RNF169: variants seen among roughly 807,000 people sequenced by gnomAD.
RNF169 encodes E3 ubiquitin-protein ligase RNF169.
RNF169 carries 24 observed loss-of-function variants against 53.9 expected under a neutral mutation model. That is an observed-to-expected ratio of 0.45 (90% confidence interval 0.32 to 0.63). The LOEUF (loss-of-function observed/expected upper bound fraction) is 0.63. Among genes scored for constraint, RNF169 ranks in the 20% least tolerant of loss-of-function variants. RNF169 has a pLI of 0.04. For missense variants in RNF169, 883 were observed against 906.2 expected (o/e 0.97, Z 0.33); for synonymous variants, 396 against 363.5 (o/e 1.09, Z -1.02).
intron 2 of RNF169, chr11:74,807,919 A>C (rs574354404): frequency 6.6e-6 from 1 of 152,318 alleles, no homozygotes; most frequent in Admixed American, 6.5e-5. Flanking sequence ...AAACACCAAC[A>C]TGATTCATTT....
rs565307560 is a variant in RNF169 at position 74,778,657 on chromosome 11, C to A, written c.503-10969C>A. 5.9e-5 allele frequency among the ~76,000 whole-genome samples: 9 copies of A among 152,280 alleles called. No homozygotes were observed. The South Asian group carries it at 1.9e-3, about 32-fold the overall frequency. On this transcript the variant is annotated intron_variant, in intron 1 of 5. Transcript: ENST00000299563. Reference sequence around the variant, plus strand: ...GAGAACTGCCGCCACTTTCAAAAGGCCTGCAATTTCTATAGTATTTTTACG... The same window carrying A: ...GAGAACTGCCGCCACTTTCAAAAGGACTGCAATTTCTATAGTATTTTTACG...
intron 2 of RNF169, among the ~76,000 whole-genome samples, chr11:74,797,984 C>A (rs1454654451): frequency 2.6e-5 from 4 of 152,216 alleles, no homozygotes; most frequent in African/African-American, 7.2e-5. Flanking sequence ...ACACTTATCA[C>A]TTCCCCAGTC....
intron 2 of RNF169, among the ~76,000 whole-genome samples, chr11:74,806,994 T>C (rs1034600787): frequency 6.6e-6 from 1 of 151,822 alleles, no homozygotes. Flanking sequence ...GGAAATAAAT[T>C]GCTTAGTATT....
chr11:74,749,168 C>G lies in RNF169; in HGVS notation c.288C>G (p.Ala96=). The G allele has an allele frequency of 5.6e-5, 70 of 1,239,040 alleles. No homozygotes were observed. Among genetic ancestry groups the G allele is most frequent in the Non-Finnish European group, 6.9e-5 (69 of 992,866 alleles). 76.8% of individuals were successfully genotyped at this position (1,239,040 alleles called of 1,614,324 possible). ...GCCGAGGCTGCGCCCAACGCGCCGCCGACGCGGCGGGCCCGGGTTGCCCTC... is the reference window on the plus strand; with the variant it reads ...GCCGAGGCTGCGCCCAACGCGCCGCGGACGCGGCGGGCCCGGGTTGCCCTC... ...SLCRGCAQRA[A]DAAGPGCPRC... is the part of the protein sequence containing the mutation. The change falls in exon 1 of 6, where the codon GCC becomes GCG. Residue 96 remains alanine, a synonymous_variant. Coordinates refer to ENST00000299563, the MANE Select transcript of RNF169 (RefSeq NM_001098638.2).
At chr11:74,767,313 T>G (rs1003622566) in intron 1 of RNF169, among the ~76,000 whole-genome samples, 3 of 152,216 alleles carry the variant, frequency 2.0e-5, no homozygotes, top group Admixed American at 1.3e-4. Context: ...TATATGGTCA[T>G]TGCAATAGAT....
chr11:74,808,094 A>T (rs1291137542), intron 2 of RNF169: 1 of 152,160 alleles, frequency 6.6e-6, no homozygotes, highest in Non-Finnish European at 1.5e-5. Flanking sequence ...AGCCGGGCAT[A>T]GTGGTTGACT....
chr11:74,835,212 T>C (rs114733366), intron 5 of RNF169, among the ~76,000 whole-genome samples: 3,728 of 152,254 alleles, frequency 0.024, 163 homozygotes, highest in African/African-American at 0.085. Flanking sequence ...CTCAAAGTAA[T>C]ACACCTGTCT....
At chr11:74,797,998 A>G (rs1336149476) in intron 2 of RNF169, among the ~76,000 whole-genome samples, 1 of 152,144 alleles carries the variant, frequency 6.6e-6, no homozygotes, top group Non-Finnish European at 1.5e-5. Flanking sequence ...CCCAGTCAAT[A>G]CCCTTGTGAT....
At chr11:74,781,317 G>A (rs1400414381) in intron 1 of RNF169, among the ~76,000 whole-genome samples, 3 of 152,214 alleles carry the variant, frequency 2.0e-5, no homozygotes, top group Admixed American at 1.3e-4. Flanking sequence ...TGGATCCTCT[G>A]TAGGAATATA....
At chr11:74,803,790 T>G (rs1466568839) in intron 2 of RNF169, among the ~76,000 whole-genome samples, 2 of 152,348 alleles carry the variant, frequency 1.3e-5, no homozygotes, top group African/African-American at 4.8e-5. Flanking sequence ...ATTCAGTAAT[T>G]ATGTTGATAA....
intron 1 of RNF169, among the ~76,000 whole-genome samples, chr11:74,785,232 T>TATATATATGTTATATATGTTAG (rs1565176567): frequency 3.7e-5 from 3 of 81,516 alleles, no homozygotes; most frequent in Non-Finnish European, 6.1e-5. Flanking sequence ...TTATATATAT[T>TATATATATGTTATATATGTTAG]ATATATATGT....
At chr11:74,809,644 A>AC (rs1453493086) in intron 2 of RNF169, among the ~76,000 whole-genome samples, 8 of 152,280 alleles carry the variant, frequency 5.3e-5, no homozygotes, top group African/African-American at 1.7e-4. Flanking sequence ...ACATAGTGAG[A>AC]CCCCATCTCT....
At chr11:74,813,472 T>C (rs1188264403) in intron 3 of RNF169, among the ~76,000 whole-genome samples, 1 of 152,208 alleles carries the variant, frequency 6.6e-6, no homozygotes, top group Non-Finnish European at 1.5e-5. Flanking sequence ...AACAATTGGA[T>C]ACAGCAGTTA....
chr11:74,831,070 T>C (rs1038716839), intron 4 of RNF169: 2 of 152,126 alleles, frequency 1.3e-5, no homozygotes, highest in African/African-American at 4.8e-5. Flanking sequence ...AGAGAAAACT[T>C]TCCTCCCAGT....
At position 74,842,217 on chromosome 11, in the gene RNF169, A is replaced by C. The variant is rs1408367816; in HGVS notation, c.*5487A>C. ...CTCCTCTCCAACTCATCAGAAGAGC[A>C]TTTTGACAAAGACAGAGGACTTGGA... On this transcript the variant is annotated 3_prime_UTR_variant, in exon 6 of 6. Coordinates refer to ENST00000299563, the MANE Select transcript of RNF169 (RefSeq NM_001098638.2). 6.6e-6 allele frequency: 1 copy of C among 152,224 alleles called. No individual in the cohort carries two copies. Among genetic ancestry groups the C allele is most frequent in the African/African-American group, 2.4e-5 (1 of 41,456 alleles). 9.4% of individuals were successfully genotyped at this position (152,224 alleles called of 1,614,324 possible).
intron 1 of RNF169, among the ~76,000 whole-genome samples, chr11:74,750,995 C>T (rs1303934303): frequency 6.6e-6 from 1 of 151,542 alleles, no homozygotes; most frequent in Non-Finnish European, 1.5e-5. Flanking sequence ...CTGCCTCCGC[C>T]CAGTAGCTGG....
intron 1 of RNF169, among the ~76,000 whole-genome samples, chr11:74,754,923 A>T (rs1254465431): frequency 6.6e-6 from 1 of 152,362 alleles, no homozygotes; most frequent in East Asian, 1.9e-4. Context: ...ACTTAGGGTT[A>T]ACATTTCTGC....
At chr11:74,757,823 T>A (rs1382348943) in intron 1 of RNF169, among the ~76,000 whole-genome samples, 2 of 52,740 alleles carry the variant, frequency 3.8e-5, no homozygotes, top group Non-Finnish European at 6.2e-5. Flanking sequence ...TTCATATCCT[T>A]TGCCCACTTT....
intron 3 of RNF169, among the ~76,000 whole-genome samples, chr11:74,810,780 C>A (rs2035864807): frequency 6.6e-6 from 1 of 152,142 alleles, no homozygotes; most frequent in South Asian, 2.1e-4. Context: ...AGTCTATATT[C>A]AATTAGACTT....
Sources: gnomAD v4.1 joint callset for allele counts (sites outside exome capture counted in the v4.1 genomes callset) on GRCh38, gnomAD v4.1.1 for gene constraint, MANE v1.5 for transcripts, NCBI Gene and HGNC (gene_info 2026-07-23, HGNC 2026-07-21) for gene names.